Variants in ETFA observed in about 807,000 individuals in gnomAD.
ETFA encodes electron transfer flavoprotein subunit alpha, also known as electron transfer flavoprotein subunit alpha, mitochondrial.
A neutral mutation model predicts 46.2 loss-of-function variants in ETFA; 22 were observed. The ratio of observed to expected loss-of-function variants is 0.48; its 90% confidence interval spans 0.34 to 0.68. ETFA has a LOEUF of 0.68. Among genes scored for constraint, ETFA ranks in the 30% least tolerant of loss-of-function variants. ETFA has a pLI of 0.01. For synonymous variants in ETFA, 131 were observed against 139.9 expected (o/e 0.94, Z 0.45); for missense variants, 345 against 401.1 (o/e 0.86, Z 1.19).
At chr15:76,223,371 C>T (rs982354254) in intron 11 of ETFA, among the ~76,000 whole-genome samples, 2 of 151,914 alleles carry the variant, frequency 1.3e-5, no homozygotes, top group African/African-American at 4.8e-5. Context: ...GCATGCATCA[C>T]CATGCTCGGC....
At chr15:76,267,937 C>A (rs1347641896) in intron 9 of ETFA, among the ~76,000 whole-genome samples, 2 of 151,856 alleles carry the variant, frequency 1.3e-5, no homozygotes, top group Admixed American at 1.3e-4. Flanking sequence ...CACCAAACAT[C>A]TGAAGATCTA....
intron 9 of ETFA, among the ~76,000 whole-genome samples, chr15:76,237,502 G>A (rs2039138162): frequency 6.6e-6 from 1 of 152,198 alleles, no homozygotes. Flanking sequence ...AAATAAATAA[G>A]AGCTGGGTTC....
At chr15:76,260,846 G>A in intron 9 of ETFA, 1 of 1,611,616 alleles carries the variant, frequency 6.2e-7, no homozygotes, top group African/African-American at 1.3e-5. Flanking sequence ...CAGGCACCAG[G>A]TCCCGGAGCA....
At chr15:76,307,324 T>G (rs1313902930) in intron 1 of ETFA, among the ~76,000 whole-genome samples, 1 of 152,230 alleles carries the variant, frequency 6.6e-6, no homozygotes, top group Non-Finnish European at 1.5e-5. Flanking sequence ...AACAGATGAC[T>G]TTAAAGACCA....
intron 9 of ETFA, chr15:76,261,400 A>G: frequency 7.7e-7 from 1 of 1,306,450 alleles, no homozygotes; most frequent in Non-Finnish European, 1.1e-6. Context: ...CTTCAGGCTG[A>G]GGAAGCCGAT....
At chr15:76,273,171 A>G (rs2039556162) in intron 9 of ETFA, among the ~76,000 whole-genome samples, 1 of 152,176 alleles carries the variant, frequency 6.6e-6, no homozygotes, top group South Asian at 2.1e-4. Flanking sequence ...AAGAATTTGT[A>G]TGTAGGTTAT....
chr15:76,218,144 C>T (rs1200343250), intron 11 of ETFA, among the ~76,000 whole-genome samples: 1 of 152,216 alleles, frequency 6.6e-6, no homozygotes, highest in Non-Finnish European at 1.5e-5. Context: ...AAGTGAAACA[C>T]TAATTTGGTT....
chr15:76,225,192 C>G (rs1441083057), intron 11 of ETFA, among the ~76,000 whole-genome samples: 1 of 152,158 alleles, frequency 6.6e-6, no homozygotes, highest in Non-Finnish European at 1.5e-5. Flanking sequence ...TTTAGGGTAC[C>G]TGCCAAATAT....
chr15:76,283,611 A>C (rs1265665408), intron 8 of ETFA, 146 bp downstream of exon 8: 1 of 656,910 alleles, frequency 1.5e-6, no homozygotes. Flanking sequence ...GAGGCTTAAG[A>C]AAAACTGGTT....
chr15:76,240,527 AAATTT>A (rs1335604067), intron 9 of ETFA, among the ~76,000 whole-genome samples: 1 of 152,224 alleles, frequency 6.6e-6, no homozygotes, highest in African/African-American at 2.4e-5. Flanking sequence ...TTCAAAATGT[AAATTT>A]AATAACCCAG....
chr15:76,252,594 T>G (rs1302496202), intron 9 of ETFA, among the ~76,000 whole-genome samples: 1 of 152,106 alleles, frequency 6.6e-6, no homozygotes, highest in Non-Finnish European at 1.5e-5. Context: ...GAACCATCCC[T>G]TACCACAACC....
At chr15:76,284,619 T>C (rs2039688562) in intron 7 of ETFA, among the ~76,000 whole-genome samples, 1 of 151,758 alleles carries the variant, frequency 6.6e-6, no homozygotes, top group Non-Finnish European at 1.5e-5. Flanking sequence ...CCCTCCTGAG[T>C]AGCTGGGACT....
At chr15:76,303,407 C>T (rs1050886496) in intron 1 of ETFA, among the ~76,000 whole-genome samples, 2 of 152,062 alleles carry the variant, frequency 1.3e-5, no homozygotes, top group Admixed American at 6.6e-5. Context: ...TAGACCCTGG[C>T]AAAGATTTCA....
At chr15:76,226,606 C>T (rs1277135626) in intron 10 of ETFA, among the ~76,000 whole-genome samples, 1 of 151,818 alleles carries the variant, frequency 6.6e-6, no homozygotes, top group South Asian at 2.1e-4. Flanking sequence ...AGGCCGGGCA[C>T]GGTGGCTCAC....
chr15:76,294,159 T>C (rs2039795409), intron 2 of ETFA, among the ~76,000 whole-genome samples: 1 of 152,230 alleles, frequency 6.6e-6, no homozygotes, highest in African/African-American at 2.4e-5. Flanking sequence ...CAGAAGACGA[T>C]TTCTATTTTG....
intron 9 of ETFA, among the ~76,000 whole-genome samples, chr15:76,246,833 CAA>C (rs1195183845): frequency 3.3e-5 from 4 of 121,534 alleles, no homozygotes; most frequent in African/African-American, 3.0e-5. Flanking sequence ...GACTCCGTCT[CAA>C]AAAAAAAAAA....
chr15:76,218,761 T>TA (rs2038925196), intron 11 of ETFA, among the ~76,000 whole-genome samples: 1 of 152,114 alleles, frequency 6.6e-6, no homozygotes, highest in African/African-American at 2.4e-5. Flanking sequence ...TAAGTTTTTT[T>TA]AAAAAAAGAC....
intron 9 of ETFA, among the ~76,000 whole-genome samples, chr15:76,265,828 C>T (rs2456077): frequency 0.98 from 148,998 of 152,268 alleles, 72,983 homozygotes; most frequent in East Asian, 1. Context: ...TAGGAAAAAA[C>T]AAAAATGGCC....
At chr15:76,223,078 G>A (rs576226185) in intron 11 of ETFA, among the ~76,000 whole-genome samples, 2 of 151,894 alleles carry the variant, frequency 1.3e-5, no homozygotes, top group African/African-American at 2.4e-5. Flanking sequence ...CAAGTGATCC[G>A]CCTTTCCTCG....
Sources: allele counts gnomAD v4.1 joint callset (sites outside exome capture counted in the v4.1 genomes callset), GRCh38; gene constraint gnomAD v4.1.1; transcripts MANE v1.5; gene names NCBI Gene and HGNC (gene_info 2026-07-23, HGNC 2026-07-21).